Variants in SLC24A3 observed in about 807,000 individuals in gnomAD.
SLC24A3 encodes solute carrier family 24 member 3.
A neutral mutation model predicts 75.8 loss-of-function variants in SLC24A3; 28 were observed. That is an observed-to-expected ratio of 0.37 (90% confidence interval 0.27 to 0.51). SLC24A3 has a LOEUF of 0.51. Ranked by LOEUF, SLC24A3 falls within the 20% of genes least tolerant of loss-of-function variation. SLC24A3 has a pLI of 0.94. For missense variants in SLC24A3, 663 were observed against 847.8 expected, an observed-to-expected ratio of 0.78 and a Z score of 2.71; for synonymous variants, 372 against 334.1, an observed-to-expected ratio of 1.11 and a Z score of -1.24.
rs371491840 is a variant in SLC24A3, at chr20:19,594,371, G to A, written c.612+8827G>A. Among the ~76,000 whole-genome samples, 4 of 152,192 alleles carry A rather than the reference G, an allele frequency of 2.6e-5. No individual in the cohort carries two copies. The South Asian group carries it at 8.3e-4, about 32-fold the overall frequency. On this transcript the variant is annotated intron_variant, in intron 6 of 16. Coordinates refer to ENST00000328041, the MANE Select transcript of SLC24A3 (RefSeq NM_020689.4). ...AACCACACCAGGACCTGAGGCCTGA[G>A]ACCTCCTAGAATCTAAAAATGCAGG...
intron 3 of SLC24A3, among the ~76,000 whole-genome samples, chr20:19,578,141 G>A (rs2031167763): frequency 6.6e-6 from 1 of 152,164 alleles, no homozygotes; most frequent in Admixed American, 6.5e-5. Flanking sequence ...AAGGACAGTT[G>A]CAAGTGACAG....
chr20:19,612,607 A>AGTGTGT (rs71198018), intron 6 of SLC24A3, among the ~76,000 whole-genome samples: 12,053 of 146,848 alleles, frequency 0.082, 531 homozygotes, highest in Middle Eastern at 0.11. Flanking sequence ...CCTTAAGAAA[A>AGTGTGT]GTGTGTGTGT....
chr20:19,613,380 A>G (rs1445324120), intron 6 of SLC24A3, among the ~76,000 whole-genome samples: 2 of 152,162 alleles, frequency 1.3e-5, no homozygotes, highest in East Asian at 3.9e-4. Context: ...GCCTATCCCC[A>G]ATGGCTTATA....
intron 6 of SLC24A3, among the ~76,000 whole-genome samples, chr20:19,653,208 C>T (rs2032227468): frequency 6.6e-6 from 1 of 152,196 alleles, no homozygotes. Flanking sequence ...ACTCTCCCGA[C>T]CACCTCCAGC....
intron 7 of SLC24A3, among the ~76,000 whole-genome samples, chr20:19,664,011 CT>C (rs1024018185): frequency 2.1e-4 from 32 of 152,106 alleles, no homozygotes; most frequent in African/African-American, 7.2e-4. Flanking sequence ...CTAAAAGCTG[CT>C]TTCATATTCT....
In SLC24A3 at chr20:19,263,092, G is replaced by A. The variant is rs576557802; in HGVS notation, c.143-17867G>A. On this transcript the variant is annotated intron_variant, in intron 1 of 16. Transcript: ENST00000328041. Reference sequence around the variant, plus strand: ...GTGTGTTTTCTGTTGACCCCCCCACGTTTGTTCCTGTTTCTTTCACTTTTA... The same window carrying A: ...GTGTGTTTTCTGTTGACCCCCCCACATTTGTTCCTGTTTCTTTCACTTTTA... Among the ~76,000 whole-genome samples, 24 of 149,758 alleles carry A rather than the reference G, an allele frequency of 1.6e-4. No individual in the cohort carries two copies. The South Asian group carries it at 4.3e-3, about 27-fold the overall frequency.
intron 6 of SLC24A3, among the ~76,000 whole-genome samples, chr20:19,636,345 C>T (rs746170418): frequency 6.6e-6 from 1 of 152,060 alleles, no homozygotes; most frequent in Admixed American, 6.5e-5. Context: ...ATCCATCCAT[C>T]GAATAAATGG....
At chr20:19,493,093 T>C (rs1988231141) in intron 2 of SLC24A3, among the ~76,000 whole-genome samples, 2 of 152,244 alleles carry the variant, frequency 1.3e-5, no homozygotes, top group African/African-American at 4.8e-5. Context: ...CTGAATTAAA[T>C]GGTTGGCCTG....
chr20:19,430,847 C>T (rs561789015), intron 2 of SLC24A3, among the ~76,000 whole-genome samples: 1 of 152,122 alleles, frequency 6.6e-6, no homozygotes, highest in Non-Finnish European at 1.5e-5. Flanking sequence ...TACACACTCA[C>T]CTAGGGACAC....
chr20:19,489,560 T>A (rs76896825), intron 2 of SLC24A3, among the ~76,000 whole-genome samples: 1 of 152,200 alleles, frequency 6.6e-6, no homozygotes, highest in Non-Finnish European at 1.5e-5. Flanking sequence ...TTTCTCTCTT[T>A]TATGGATTTG....
At chr20:19,612,967 T>C (rs1260827722) in intron 6 of SLC24A3, among the ~76,000 whole-genome samples, 1 of 152,254 alleles carries the variant, frequency 6.6e-6, no homozygotes, top group African/African-American at 2.4e-5. Context: ...GCCACCTTGC[T>C]GTTTCCCACA....
At chr20:19,434,206 G>C (rs1987155212) in intron 2 of SLC24A3, among the ~76,000 whole-genome samples, 2 of 152,202 alleles carry the variant, frequency 1.3e-5, no homozygotes, top group Non-Finnish European at 2.9e-5. Flanking sequence ...CCATATATGG[G>C]AAATTTTCAT....
At chr20:19,274,350 C>A (rs1983420182) in intron 1 of SLC24A3, among the ~76,000 whole-genome samples, 3 of 151,988 alleles carry the variant, frequency 2.0e-5, no homozygotes, top group Admixed American at 1.3e-4. Context: ...CTTCTCCCAG[C>A]CACCTTCTCT....
chr20:19,395,498 C>T (rs1986438644), intron 2 of SLC24A3, among the ~76,000 whole-genome samples: 3 of 152,046 alleles, frequency 2.0e-5, no homozygotes, highest in African/African-American at 7.2e-5. Context: ...ACACACATAC[C>T]AACACAAAAT....
chr20:19,476,794 A>G (rs1286255775), intron 2 of SLC24A3, among the ~76,000 whole-genome samples: 1 of 152,154 alleles, frequency 6.6e-6, no homozygotes, highest in Non-Finnish European at 1.5e-5. Context: ...CCTCTCCCAA[A>G]GCACAAAAAA....
At chr20:19,661,429 A>G (rs1466936921) in intron 7 of SLC24A3, among the ~76,000 whole-genome samples, 1 of 152,086 alleles carries the variant, frequency 6.6e-6, no homozygotes, top group Non-Finnish European at 1.5e-5. Flanking sequence ...TGAAATCACC[A>G]TGGCCTTAGC....
At chr20:19,493,386 G>A (rs760325333) in intron 2 of SLC24A3, among the ~76,000 whole-genome samples, 44 of 152,238 alleles carry the variant, frequency 2.9e-4, no homozygotes, top group African/African-American at 7.5e-4. Flanking sequence ...TAAGCAAACC[G>A]GGTGAACACT....
chr20:19,447,522 T>C (rs1340619344), intron 2 of SLC24A3, among the ~76,000 whole-genome samples: 1 of 152,028 alleles, frequency 6.6e-6, no homozygotes, highest in African/African-American at 2.4e-5. Flanking sequence ...TAGAATAAAG[T>C]GGTTTTTTTG....
chr20:19,285,849 G>A (rs56324735), intron 2 of SLC24A3, among the ~76,000 whole-genome samples: 2 of 152,158 alleles, frequency 1.3e-5, no homozygotes, highest in Non-Finnish European at 2.9e-5. Flanking sequence ...AACTGTAGCA[G>A]AAATGAATTC....
Sources: allele counts gnomAD v4.1 joint callset (sites outside exome capture counted in the v4.1 genomes callset), GRCh38; gene constraint gnomAD v4.1.1; transcripts MANE v1.5; gene names NCBI Gene and HGNC (gene_info 2026-07-23, HGNC 2026-07-21).